Variants in SLC25A22 observed in about 807,000 individuals in gnomAD.
The protein encoded by SLC25A22 is solute carrier family 25 member 22.
In SLC25A22, 23 loss-of-function variants were observed where a neutral mutation model predicts 33.7. The ratio of observed to expected loss-of-function variants is 0.68; its 90% CI spans 0.49 to 0.97. The LOEUF is 0.97. Ranked by LOEUF, SLC25A22 falls within the 50% of genes least tolerant of loss-of-function variation. The probability of loss-of-function intolerance (pLI) is 0.00; values close to 1 mark genes in which losing one functional copy is unlikely to be tolerated. For synonymous variants in SLC25A22, 245 were observed against 203.8 expected (o/e 1.20, Z -1.72); for missense variants, 390 against 451.1 (o/e 0.86, Z 1.23).
chr11:795,148 G>T lies in SLC25A22; in HGVS notation c.-142C>A. The stretch of plus-strand genomic sequence containing the variant: ...TCCACCTTCAGGGGAATTTCCAGGC[G>T]TCAGCAACCGCCACTTCTGTCCTAG... On this transcript the variant is annotated 5_prime_UTR_variant, in exon 2 of 10. Transcript: ENST00000628067. 6.1e-6 allele frequency: 6 copies of T among 989,482 alleles called. No individual in the cohort carries two copies. The highest frequency in any genetic ancestry group is 5.5e-5 in the South Asian group (4 of 72,688). The allele number at this position is 989,482 out of a possible 1,614,324, so 61.3% of individuals were successfully genotyped here. A position where few individuals can be genotyped will look rare whatever the true frequency, so the allele number is the denominator to read the frequency against.
intron 4 of SLC25A22, chr11:793,849 C>A (rs548593587): frequency 1.7e-6 from 1 of 590,290 alleles, no homozygotes; most frequent in Non-Finnish European, 3.0e-6. Flanking sequence ...CTCCATCTGT[C>A]TCTGATTCTG....
At chr11:797,933 C>T (rs982702648) in intron 1 of SLC25A22, 2 of 398,352 alleles carry the variant, frequency 5.0e-6, no homozygotes, top group Non-Finnish European at 8.9e-6. Flanking sequence ...GTGCGTCCCA[C>T]ACGGGTCGGC....
Position 792,944 on chromosome 11 carries a change from G to T in SLC25A22, c.338C>A (p.Ala113Asp). ...GGTCACGATCACCTGGCAGGTGCCA[G>T]CCCCACAGCCCGCCAGCATCTCTTT... is the stretch of plus-strand genomic sequence containing the variant. ...LLKEMLAGCGAGTCQVIVTTP... is the reference protein window; with the variant it reads ...LLKEMLAGCGDGTCQVIVTTP... The change falls in exon 6 of 10, where the codon GCT (alanine) becomes GAT (aspartate). Residue 113 changes from alanine (A) to aspartate (D), a missense_variant. Coordinates refer to ENST00000628067, the MANE Select transcript of SLC25A22 (RefSeq NM_001191061.2). The T allele has an allele frequency of 6.2e-7, 1 of 1,613,308 alleles. No homozygotes were observed. The highest frequency in any genetic ancestry group is 8.5e-7 in the Non-Finnish European group (1 of 1,179,960).
At chr11:794,551 G>A in intron 3 of SLC25A22, 38 bp from the exon 4 acceptor site, 2 of 1,607,022 alleles carry the variant, frequency 1.2e-6, no homozygotes, top group Middle Eastern at 1.8e-4. Flanking sequence ...GGGCCAGCTG[G>A]GGCCAGCCGG....
At position 794,407 on chromosome 11, in the gene SLC25A22, C is replaced by A. The variant is rs539960445; in HGVS notation, c.202+51G>T. ...CCCCACCGCTCCCTGCCACGACTCG[C>A]GGGCGCTACCCAGGCCTGCCCATAT... On this transcript the variant is annotated intron_variant, in intron 4 of 9. Coordinates refer to ENST00000628067, the MANE Select transcript of SLC25A22 (RefSeq NM_001191061.2). 7 of 1,593,838 alleles carry A rather than the reference C, an allele frequency of 4.4e-6. No individual in the cohort carries two copies. In the South Asian group the frequency reaches 7.9e-5, roughly 18 times the overall value.
rs566262436 is a variant in SLC25A22 at position 791,602 on chromosome 11, G to T, written c.*313C>A. 14 of 444,408 alleles carry T rather than the reference G, an allele frequency of 3.2e-5. No individual in the cohort carries two copies. The South Asian group carries it at 3.4e-4, about 11-fold the overall frequency. The allele number at this position is 444,408 out of a possible 1,614,324, so 27.5% of individuals were successfully genotyped here. Reference sequence around the variant, plus strand: ...CAGCCTGCCCGGCCCAGGCCCGGGGGCCCCCAGCCCAGAGACCAGCTCTGT... The same window carrying T: ...CAGCCTGCCCGGCCCAGGCCCGGGGTCCCCCAGCCCAGAGACCAGCTCTGT... On this transcript the variant is annotated 3_prime_UTR_variant, in exon 10 of 10. Coordinates refer to ENST00000628067, the MANE Select transcript of SLC25A22 (RefSeq NM_001191061.2).
intron 2 of SLC25A22, 40 bp from the exon 3 acceptor site, chr11:794,941 T>C: frequency 6.4e-7 from 1 of 1,562,836 alleles, no homozygotes; most frequent in Non-Finnish European, 8.7e-7. Flanking sequence ...TCCTTGACCA[T>C]GGGTCAGGGT....
chr11:791,796 T>C lies in SLC25A22; in HGVS notation c.*119A>G. On this transcript the variant is annotated 3_prime_UTR_variant, in exon 10 of 10. Transcript: ENST00000628067. ...GTGGACCCTGCACCCTGCCCCCTGC[T>C]GCCCCTGCCGACGGGAGGGCTGGGG... 1.7e-5 allele frequency: 24 copies of C among 1,377,324 alleles called. No individual in the cohort carries two copies. Among genetic ancestry groups the C allele is most frequent in the Non-Finnish European group, 2.3e-5 (24 of 1,035,998 alleles). The allele number at this position is 1,377,324 out of a possible 1,614,324, so 85.3% of individuals were successfully genotyped here.
intron 1 of SLC25A22, 95 bp from the exon 2 acceptor site, chr11:795,264 C>T: frequency 1.6e-6 from 1 of 627,686 alleles, no homozygotes; most frequent in East Asian, 2.8e-5. Flanking sequence ...CCTCACCCAC[C>T]ACCCCAGACT....
rs199780214 is a variant in SLC25A22, at chr11:793,500, C to G, written c.293+29G>C. 6.2e-6 allele frequency: 10 copies of G among 1,609,912 alleles called. No individual in the cohort carries two copies. The African/African-American group carries it at 1.3e-4, about 21-fold the overall frequency. ...ATCCTTTATCTGAAGCCAAAGACCC[C>G]TCGAGTGTCTGCCAGGCAGAACCCT... On this transcript the variant is annotated intron_variant, in intron 5 of 9. Coordinates refer to ENST00000628067, the MANE Select transcript of SLC25A22 (RefSeq NM_001191061.2).
At chr11:795,332 A>G (rs1366295544) in intron 1 of SLC25A22, 163 bp from the exon 2 acceptor site, 5 of 454,776 alleles carry the variant, frequency 1.1e-5, no homozygotes, top group South Asian at 6.4e-5. Context: ...ACCCAGTCCC[A>G]TGCTCACCCC....
rs561163386 is a variant in SLC25A22, at chr11:792,394, C to A, written c.652G>T (p.Ala218Ser). ...FANLNQLGRP[A>S]SEEKSPFYVS... ...TAGAAAGGCGACTTCTCCTCGGACG[C>A]CGGGCGGCCCAGCTGGTTCAGGTTG... The change falls in exon 8 of 10, where the codon GCG becomes TCG. Residue 218 changes from alanine to serine, a missense_variant. Physicochemically the swap from Ala to Ser is moderately conservative, Grantham distance 99. Coordinates refer to ENST00000628067, the MANE Select transcript of SLC25A22 (RefSeq NM_001191061.2). 6 of 1,613,380 alleles carry A rather than the reference C, an allele frequency of 3.7e-6. No individual in the cohort carries two copies. The African/African-American group carries it at 6.7e-5, about 18-fold the overall frequency.
intron 1 of SLC25A22, 198 bp from the exon 2 acceptor site, chr11:795,367 T>TACC (rs1864753989): frequency 6.4e-6 from 1 of 157,336 alleles, no homozygotes; most frequent in Non-Finnish European, 1.1e-5. Flanking sequence ...TTCCTTTCAG[T>TACC]CCCCCCCTCC....
At chr11:794,653 C>G in intron 3 of SLC25A22, 123 bp downstream of exon 3, 5 of 1,526,864 alleles carry the variant, frequency 3.3e-6, no homozygotes, top group Non-Finnish European at 4.4e-6. Context: ...TGGGATCTCC[C>G]CTAGGCCCGC....
rs763227728 is a variant in SLC25A22 at position 792,647 on chromosome 11, C to G, written c.493G>C (p.Ala165Pro). 1.3e-6 allele frequency: 2 copies of G among 1,579,672 alleles called. No homozygotes were observed. Residue 165 changes from alanine to proline, a missense_variant, in exon 7 of 10, where the codon GCC (alanine) becomes CCC (proline). Physicochemically the swap from Ala to Pro is conservative, Grantham distance 27 (BLOSUM62 -1). Transcript: ENST00000628067. ...GAQPSVEAPA[A>P]PRPTATQLTR... ...AGCTGGGTGGCCGTGGGCCGAGGGGCAGCTGGAGCCTCCACTGAGGGCTGG... is the reference window on the plus strand; with the variant it reads ...AGCTGGGTGGCCGTGGGCCGAGGGGGAGCTGGAGCCTCCACTGAGGGCTGG...
chr11:792,257 G>C (rs560050740), intron 8 of SLC25A22, 40 bp from the exon 9 acceptor site: 1 of 1,612,872 alleles, frequency 6.2e-7, no homozygotes, highest in African/African-American at 1.3e-5. Flanking sequence ...CTGGCCAAGG[G>C]CTCAGTCCCG....
chr11:793,114 G>A, intron 5 of SLC25A22, 126 bp from the exon 6 acceptor site: 1 of 898,608 alleles, frequency 1.1e-6, no homozygotes, highest in East Asian at 2.6e-5. Flanking sequence ...GCCTGTGGGG[G>A]TACAGCCCCC....
Position 793,581 on chromosome 11 carries a change from C to T in SLC25A22, c.241G>A (p.Ala81Thr). 6.2e-7 allele frequency: 1 copy of T among 1,612,366 alleles called. No homozygotes were observed. The highest frequency in any genetic ancestry group is 8.5e-7 in the Non-Finnish European group (1 of 1,179,972). Residue 81 changes from alanine (A) to threonine (T), a missense_variant, in exon 5 of 10, where the codon GCC becomes ACC. By Grantham distance (58) the Ala-to-Thr change is moderately conservative. Coordinates refer to ENST00000628067, the MANE Select transcript of SLC25A22 (RefSeq NM_001191061.2). ...AAGTCGTTGGCTGCCAGCTTGATGGCCTTCTCGGGGGTGACGAGGGTCAAG... is the reference window on the plus strand; with the variant it reads ...AAGTCGTTGGCTGCCAGCTTGATGGTCTTCTCGGGGGTGACGAGGGTCAAG... ...VNLTLVTPEK[A>T]IKLAANDFFR...
intron 1 of SLC25A22, 34 bp downstream of exon 1, chr11:798,183 C>T (rs181515985): frequency 1.0e-5 from 4 of 397,428 alleles, no homozygotes; most frequent in Non-Finnish European, 1.8e-5. Flanking sequence ...TTCGGATGGG[C>T]GCAGCAGAAG....
Sources: gnomAD v4.1 joint callset for allele counts on GRCh38, gnomAD v4.1.1 for gene constraint, MANE v1.5 for transcripts, NCBI Gene and HGNC (gene_info 2026-07-23, HGNC 2026-07-21) for gene names.